SLC7A8: variants seen among roughly 807,000 people sequenced by gnomAD.
SLC7A8 encodes large neutral amino acids transporter small subunit 2.
In SLC7A8, 30 loss-of-function variants were observed where a neutral mutation model predicts 51.2. The observed-to-expected ratio is 0.59, with a 90% CI of 0.44 to 0.80. The LOEUF is 0.80. Ranked by LOEUF, SLC7A8 falls within the 30% of genes least tolerant of loss-of-function variation. The probability of loss-of-function intolerance (pLI) is 0.00; values close to 1 mark genes in which losing one functional copy is unlikely to be tolerated. For synonymous variants in SLC7A8, 257 were observed against 275.8 expected (o/e 0.93, Z 0.67); for missense variants, 612 against 674.4 (o/e 0.91, Z 1.03).
At chr14:23,181,790 TCTCA>T (rs1357047526) in intron 1 of SLC7A8, among the ~76,000 whole-genome samples, 2 of 152,296 alleles carry the variant, frequency 1.3e-5, no homozygotes, top group East Asian at 3.9e-4. Context: ...CAGAACAATC[TCTCA>T]CTCTGAAGTG....
In SLC7A8 at chr14:23,160,458, C is replaced by G. The variant is rs960308656; in HGVS notation, c.508+4827G>C. Among the ~76,000 whole-genome samples, 7 of 151,648 alleles carry G rather than the reference C, an allele frequency of 4.6e-5. 1 individual carries two copies. The South Asian group carries it at 1.3e-3, about 27-fold the overall frequency. The stretch of plus-strand genomic sequence containing the variant: ...TGGTGGCGGGCGCCTATAGTCCCAG[C>G]TACTCGGGAGGCTGAGGCAGGAGAA... On this transcript the variant is annotated intron_variant, in intron 3 of 10. Transcript: ENST00000316902.
chr14:23,140,581 G>A lies in SLC7A8; in HGVS notation c.678C>T (p.Phe226=). 4 of 1,614,080 alleles carry A rather than the reference G, an allele frequency of 2.5e-6. No homozygotes were observed. Among genetic ancestry groups the A allele is most frequent in the Non-Finnish European group, 3.4e-6 (4 of 1,179,964 alleles). Residue 226 remains phenylalanine (F), a synonymous_variant, in exon 5 of 11, where the codon TTC becomes TTT. Transcript: ENST00000316902. ...WLEPKNAFEN[F]QEPDIGLVAL... ...CGACGAGGCCGATGTCAGGTTCCTG[G>A]AAATTCTCAAATGCATTCTTTGGCT...
In SLC7A8 at chr14:23,165,389, T is replaced by A; in HGVS notation, c.404A>T (p.Gln135Leu). 1 of 1,600,418 alleles carries A rather than the reference T, an allele frequency of 6.2e-7. No homozygotes were observed. ...GGAGAAGGTGAGGGCGATGACAGCC[T>A]GGTTGGTGGGGTAGATCACCAGCAC... ...IAVLVIYPTN[Q>L]AVIALTFSNY... The change falls in exon 3 of 11, where the codon CAG (glutamine) becomes CTG (leucine). Residue 135 changes from glutamine to leucine, a missense_variant. Gln to Leu is a moderately radical substitution (Grantham distance 113, BLOSUM62 -2). Transcript: ENST00000316902. The surrounding 1 kb of genome is among the most constrained non-coding windows in gnomAD (Gnocchi z 4.2).
intron 1 of SLC7A8, among the ~76,000 whole-genome samples, chr14:23,177,484 T>C (rs1203462148): frequency 6.6e-6 from 1 of 152,276 alleles, no homozygotes; most frequent in Non-Finnish European, 1.5e-5. Context: ...GAATCAGTTC[T>C]GGTTCAAGAG....
rs541696528 is a variant in SLC7A8 at position 23,131,481 on chromosome 14, T to C, written c.1093A>G (p.Ile365Val). Residue 365 changes from isoleucine (I) to valine (V), a missense_variant, in exon 8 of 11, where the codon ATC becomes GTC. Coordinates refer to ENST00000316902, the MANE Select transcript of SLC7A8 (RefSeq NM_012244.4). ...AMIHVKRCTP[I>V]PALLFTCIST... ...CTTACTGTGAAGAGCAGGGCTGGGA[T>C]TGGGGTGCAGCGCTTCACGTGGATC... The C allele has an allele frequency of 1.2e-6, 2 of 1,606,154 alleles. No homozygotes were observed. The highest frequency in any genetic ancestry group is 2.3e-5 in the East Asian group (1 of 44,220).
At chr14:23,162,079 G>T (rs2048927268) in intron 3 of SLC7A8, among the ~76,000 whole-genome samples, 2 of 150,724 alleles carry the variant, frequency 1.3e-5, no homozygotes, top group Admixed American at 1.3e-4. Context: ...TATAGAAGTG[G>T]ATTAAAAAAA....
Position 23,127,277 on chromosome 14 carries a change from C to T in SLC7A8, c.1508G>A (p.Gly503Glu). The T allele has an allele frequency of 6.2e-7, 1 of 1,614,112 alleles. No individual in the cohort carries two copies. Among genetic ancestry groups the T allele is most frequent in the Non-Finnish European group, 8.5e-7 (1 of 1,179,984 alleles). Residue 503 changes from glycine to glutamate, a missense_variant, in exon 11 of 11, where the codon GGG becomes GAG. By Grantham distance (98) the Gly-to-Glu change is moderately conservative. Coordinates refer to ENST00000316902, the MANE Select transcript of SLC7A8 (RefSeq NM_012244.4). ...VVYPEVERGSGTEEANEDMEE... is the reference protein window; with the variant it reads ...VVYPEVERGSETEEANEDMEE... ...CATGTCCTCATTAGCCTCCTCTGTC[C>T]CTGAGCCCCGCTCCACCTCGGGGTA... is the stretch of plus-strand genomic sequence containing the variant.
chr14:23,178,876 T>C (rs1566375982), intron 1 of SLC7A8, among the ~76,000 whole-genome samples: 1 of 136,976 alleles, frequency 7.3e-6, no homozygotes, highest in Non-Finnish European at 1.5e-5. Context: ...CAGAGTGAGA[T>C]CTTGTCTCCA....
At position 23,165,355 on chromosome 14, in the gene SLC7A8, C is replaced by T; in HGVS notation, c.438G>A (p.Val146=). The change falls in exon 3 of 11, where the codon GTG becomes GTA. Residue 146 remains valine (V), a synonymous_variant. Transcript: ENST00000316902. This position sits in a 1 kb window ranked among gnomAD's most constrained non-coding sequence, Gnocchi z 4.2. ...AGCAGGTGGGGAAGAGCGGCTGCAGCACGTAGTTGGAGAAGGTGAGGGCGA... is the reference window on the plus strand; with the variant it reads ...AGCAGGTGGGGAAGAGCGGCTGCAGTACGTAGTTGGAGAAGGTGAGGGCGA... ...AVIALTFSNY[V]LQPLFPTCFP... 3 of 1,604,002 alleles carry T rather than the reference C, an allele frequency of 1.9e-6. No homozygotes were observed. Among genetic ancestry groups the T allele is most frequent in the Non-Finnish European group, 2.5e-6 (3 of 1,176,722 alleles).
At chr14:23,161,158 T>C (rs2048919791) in intron 3 of SLC7A8, among the ~76,000 whole-genome samples, 1 of 151,970 alleles carries the variant, frequency 6.6e-6, no homozygotes, top group Non-Finnish European at 1.5e-5. Context: ...GCAAGCCAGT[T>C]TCAGCAGGTT....
intron 3 of SLC7A8, among the ~76,000 whole-genome samples, chr14:23,152,741 G>A (rs1402677704): frequency 2.0e-5 from 3 of 152,304 alleles, no homozygotes; most frequent in East Asian, 3.9e-4. Flanking sequence ...CCTTGCTTTG[G>A]ATACAGGACT....
chr14:23,143,069 C>G lies in SLC7A8; in HGVS notation c.634+10G>C. The G allele has an allele frequency of 6.2e-7, 1 of 1,613,306 alleles. No individual in the cohort carries two copies. The highest frequency in any genetic ancestry group is 8.5e-7 in the Non-Finnish European group (1 of 1,179,412). Reference sequence around the variant, plus strand: ...AGCTGGGCAGTACCTGTTTTTCCTGCGATACTCACCTTTGCATATCTGTAC... The same window carrying G: ...AGCTGGGCAGTACCTGTTTTTCCTGGGATACTCACCTTTGCATATCTGTAC... On this transcript the variant is annotated intron_variant, in intron 4 of 10. Transcript: ENST00000316902.
At position 23,140,494 on chromosome 14, in the gene SLC7A8, A is replaced by G; in HGVS notation, c.765T>C (p.Thr255=). Residue 255 remains threonine, a synonymous_variant, in exon 5 of 11, where the codon ACT becomes ACC. Transcript: ENST00000316902. ...ACTTGTAGGGATCAACAAGCTCCTC[A>G]GTCACGTAATTCAGAAAGTTCCAGC... The part of the protein sequence containing the change: ...YGGWNFLNYV[T]EELVDPYKNL... 6 of 1,613,358 alleles carry G rather than the reference A, an allele frequency of 3.7e-6. No individual in the cohort carries two copies. The highest frequency in any genetic ancestry group is 5.1e-6 in the Non-Finnish European group (6 of 1,179,344).
intron 1 of SLC7A8, among the ~76,000 whole-genome samples, chr14:23,174,749 C>G (rs959102023): frequency 7.2e-5 from 11 of 152,198 alleles, no homozygotes; most frequent in Non-Finnish European, 1.3e-4. Context: ...TTTGCCATTT[C>G]CAGATCTCCA....
At chr14:23,181,029 CA>C (rs202013524) in intron 1 of SLC7A8, among the ~76,000 whole-genome samples, 1 of 148,176 alleles carries the variant, frequency 6.7e-6, no homozygotes, top group African/African-American at 2.5e-5. Context: ...TCCGTCTGAA[CA>C]AAAAAAAAGA....
At chr14:23,160,058 G>A (rs991479919) in intron 3 of SLC7A8, among the ~76,000 whole-genome samples, 5 of 152,176 alleles carry the variant, frequency 3.3e-5, no homozygotes, top group Non-Finnish European at 7.3e-5. Flanking sequence ...CAAATGAGAG[G>A]AAGGAGGCCA....
At position 23,128,822 on chromosome 14, in the gene SLC7A8, G is replaced by A. The variant is rs2048605085; in HGVS notation, c.1264-626C>T. 6.6e-6 allele frequency among the ~76,000 whole-genome samples: 1 copy of A among 152,176 alleles called. No individual in the cohort carries two copies. The highest frequency in any genetic ancestry group is 1.5e-5 in the Non-Finnish European group (1 of 68,028). ...CGCTCAGAAGGGATGTGTGTGGTGG[G>A]GACATGGGGTTATTCTACCTCCTCT... On this transcript the variant is annotated intron_variant, in intron 9 of 10. Coordinates refer to ENST00000316902, the MANE Select transcript of SLC7A8 (RefSeq NM_012244.4). The surrounding 1 kb of genome is among the most constrained non-coding windows in gnomAD (Gnocchi z 4.3).
At chr14:23,150,816 C>T (rs1262789061) in intron 3 of SLC7A8, among the ~76,000 whole-genome samples, 5 of 152,076 alleles carry the variant, frequency 3.3e-5, no homozygotes, top group South Asian at 4.1e-4. Context: ...CATTGTACAT[C>T]GTGCCCCTGA....
intron 4 of SLC7A8, among the ~76,000 whole-genome samples, chr14:23,141,087 A>C (rs997179720): frequency 2.9e-5 from 4 of 137,178 alleles, no homozygotes; most frequent in African/African-American, 1.0e-4. Context: ...GTTTGAGACC[A>C]GCCTGGGCAA....
Sources: allele counts gnomAD v4.1 joint callset (sites outside exome capture counted in the v4.1 genomes callset), GRCh38; gene constraint gnomAD v4.1.1; non-coding constraint Gnocchi (gnomAD v3.1); transcripts MANE v1.5; gene names NCBI Gene and HGNC (gene_info 2026-07-23, HGNC 2026-07-21).